LDLRAD4: variants seen among roughly 807,000 people sequenced by gnomAD.
The protein encoded by LDLRAD4 is low density lipoprotein receptor class A domain containing 4.
In LDLRAD4, 5 loss-of-function variants were observed where a neutral mutation model predicts 17.0. That is an observed-to-expected ratio of 0.29 (90% CI 0.15 to 0.62). The LOEUF (loss-of-function observed/expected upper bound fraction) is 0.62. Ranked by LOEUF, LDLRAD4 falls within the 20% of genes least tolerant of loss-of-function variation. The pLI is 0.84. For missense variants in LDLRAD4, 340 were observed against 424.7 expected, an observed-to-expected ratio of 0.80 and a Z score of 1.75; for synonymous variants, 168 against 171.8, an observed-to-expected ratio of 0.98 and a Z score of 0.17.
intron 3 of LDLRAD4, among the ~76,000 whole-genome samples, chr18:13,574,874 TA>T (rs2094746511): frequency 6.6e-6 from 1 of 152,220 alleles, no homozygotes; most frequent in Admixed American, 6.5e-5. Flanking sequence ...TGGGAATATC[TA>T]TCTGGGACAC....
At chr18:13,407,685 C>T (rs990694489) in intron 2 of LDLRAD4, among the ~76,000 whole-genome samples, 5 of 152,200 alleles carry the variant, frequency 3.3e-5, no homozygotes, top group Non-Finnish European at 5.9e-5. Flanking sequence ...AAATGGTGGG[C>T]GTGGACCTGG....
chr18:13,413,452 T>C (rs886734288), intron 2 of LDLRAD4, among the ~76,000 whole-genome samples: 24 of 152,256 alleles, frequency 1.6e-4, no homozygotes, highest in Admixed American at 9.2e-4. Flanking sequence ...TCTTTGTAAA[T>C]TGAATTGCTC....
intron 3 of LDLRAD4, among the ~76,000 whole-genome samples, chr18:13,560,450 G>A (rs760904513): frequency 6.6e-6 from 1 of 152,196 alleles, no homozygotes; most frequent in Non-Finnish European, 1.5e-5. Context: ...GACCTGCATC[G>A]TACCTGAGGC....
At chr18:13,276,356 A>G (rs1490838846), upstream of LDLRAD4, among the ~76,000 whole-genome samples, 2 of 152,190 alleles carry the variant, frequency 1.3e-5, no homozygotes, top group Admixed American at 1.3e-4. Flanking sequence ...GTAACAAATT[A>G]TTATAAACTT....
intron 3 of LDLRAD4, among the ~76,000 whole-genome samples, chr18:13,589,240 C>A (rs1253378173): frequency 6.6e-6 from 1 of 152,116 alleles, no homozygotes; most frequent in East Asian, 1.9e-4. Flanking sequence ...AGCTTGCCAT[C>A]TTTTTTCTTC....
At chr18:13,309,034 T>G (rs1458563623) in intron 1 of LDLRAD4, among the ~76,000 whole-genome samples, 1 of 152,244 alleles carries the variant, frequency 6.6e-6, no homozygotes, top group South Asian at 2.1e-4. Flanking sequence ...TAGTAAGATA[T>G]TCTTACTACA....
intron 1 of LDLRAD4, among the ~76,000 whole-genome samples, chr18:13,373,977 T>TTTCA (rs2084704298): frequency 6.6e-6 from 1 of 152,194 alleles, no homozygotes. Flanking sequence ...TTTCTAAATA[T>TTTCA]TTCACATATT....
At chr18:13,285,312 C>G (rs2045557758) in intron 1 of LDLRAD4, among the ~76,000 whole-genome samples, 1 of 152,124 alleles carries the variant, frequency 6.6e-6, no homozygotes, top group African/African-American at 2.4e-5. Flanking sequence ...CAGTGGAGCA[C>G]AAGGTGTGTG....
At chr18:13,580,222 C>G (rs1406324731) in intron 3 of LDLRAD4, among the ~76,000 whole-genome samples, 1 of 152,232 alleles carries the variant, frequency 6.6e-6, no homozygotes, top group Admixed American at 6.5e-5. Context: ...TTTCCCTGAA[C>G]AGGACAGGAT....
rs71174166 is a variant in LDLRAD4, at chr18:13,226,180, C to CTTTTTTTTTTTTTTTTTTTTTTTTTT, written c.-467+7213_-467+7214insTTTTTTTTTTTTTTTTTTTTTTTTTT. Reference sequence around the variant, plus strand: ...GGACTACAGATGCTGCCATGCCTTGCTTTTTTTTTTTTTTTTTTTTTGTAG... The same window carrying CTTTTTTTTTTTTTTTTTTTTTTTTTT: ...GGACTACAGATGCTGCCATGCCTTGCTTTTTTTTTTTTTTTTTTTTTTTTTTTTTTTTTTTTTTTTTTTTTTTGTAG... On this transcript the variant is annotated intron_variant, in intron 1 of 5. Coordinates refer to the LDLRAD4 transcript ENST00000399848. Among the ~76,000 whole-genome samples the CTTTTTTTTTTTTTTTTTTTTTTTTTT allele has an allele frequency of 1.1e-4, 6 of 52,208 alleles. 1 individual carries two copies. The highest frequency in any genetic ancestry group is 1.6e-4 in the Non-Finnish European group (5 of 30,744). 34.3% of individuals were successfully genotyped at this position (52,208 alleles called of 152,430 possible). A position where few individuals can be genotyped will look rare whatever the true frequency, so the allele number is the denominator to read the frequency against.
chr18:13,468,112 A>G (rs72878805), intron 3 of LDLRAD4, among the ~76,000 whole-genome samples: 25,750 of 150,356 alleles, frequency 0.17, 2,681 homozygotes, highest in East Asian at 0.37. Flanking sequence ...CAAAGTATGA[A>G]CAACAAAAGA....
intron 1 of LDLRAD4, among the ~76,000 whole-genome samples, chr18:13,329,956 C>A (rs1020282339): frequency 6.7e-6 from 1 of 149,484 alleles, no homozygotes; most frequent in Non-Finnish European, 1.5e-5. Flanking sequence ...CTTCCACTCC[C>A]TCCAATTTTT....
chr18:13,446,244 A>C (rs534374365), intron 3 of LDLRAD4, among the ~76,000 whole-genome samples: 208 of 152,298 alleles, frequency 1.4e-3, no homozygotes, highest in Non-Finnish European at 2.1e-3. Context: ...CACACAGCCA[A>C]GGCGTGCCGC....
chr18:13,278,768 C>T (rs751281804), intron 1 of LDLRAD4, among the ~76,000 whole-genome samples: 4 of 152,176 alleles, frequency 2.6e-5, no homozygotes, highest in Non-Finnish European at 4.4e-5. Context: ...CCCTCTCTCC[C>T]GCTTGTCTTC....
At chr18:13,400,800 G>A (rs2087114032) in intron 2 of LDLRAD4, among the ~76,000 whole-genome samples, 1 of 152,158 alleles carries the variant, frequency 6.6e-6, no homozygotes, top group Non-Finnish European at 1.5e-5. Flanking sequence ...CATGAGGTGA[G>A]CCGCGGAGGC....
chr18:13,621,306 G>T lies in LDLRAD4; in HGVS notation c.336+35G>T. The T allele has an allele frequency of 3.2e-6, 5 of 1,555,496 alleles. No individual in the cohort carries two copies. The highest frequency in any genetic ancestry group is 4.4e-6 in the Non-Finnish European group (5 of 1,133,632). On this transcript the variant is annotated intron_variant, in intron 4 of 5. Coordinates refer to ENST00000359446, the Ensembl canonical transcript of LDLRAD4. This position sits in a 1 kb window ranked among gnomAD's most constrained non-coding sequence, Gnocchi z 5.5. ...CTGGCCGCCCCGGCTCCAGAGTCAG[G>T]CAGCTGCAAGAGGCTTAGGAGCCCA...
Position 13,259,618 on chromosome 18 carries a change from A to G in LDLRAD4, c.-466-18487A>G, listed in dbSNP as rs149670909. 3.0e-3 allele frequency among the ~76,000 whole-genome samples: 455 copies of G among 152,252 alleles called. 3 individuals carry two copies. Among genetic ancestry groups the G allele is most frequent in the Non-Finnish European group, 3.5e-3 (236 of 68,010 alleles). ...ATATGTATGTAAAGCATACATTGGT[A>G]TGTGGTTTTGGTTCATTTTCTTCCA... On this transcript the variant is annotated intron_variant, in intron 1 of 5. Coordinates refer to the LDLRAD4 transcript ENST00000399848.
chr18:13,477,960 A>G (rs2092987396), intron 3 of LDLRAD4, among the ~76,000 whole-genome samples: 1 of 152,178 alleles, frequency 6.6e-6, no homozygotes, highest in African/African-American at 2.4e-5. Flanking sequence ...AACGAAGGAT[A>G]CCAAAGGCAG....
At chr18:13,520,354 A>T (rs184187349) in intron 3 of LDLRAD4, 3 of 152,336 alleles carry the variant, frequency 2.0e-5, no homozygotes, top group African/African-American at 7.2e-5. Context: ...CCTAGACTCT[A>T]GGGTGATTCT....
Sources: allele counts gnomAD v4.1 joint callset (sites outside exome capture counted in the v4.1 genomes callset), GRCh38; gene constraint gnomAD v4.1.1; non-coding constraint Gnocchi (gnomAD v3.1); transcripts MANE v1.5; gene names NCBI Gene and HGNC (gene_info 2026-07-23, HGNC 2026-07-21).